BCAS3: variants seen among roughly 807,000 people sequenced by gnomAD.
BCAS3 encodes the protein BCAS3 microtubule associated cell migration factor.
BCAS3 carries 53 observed loss-of-function variants against 116.1 expected under a neutral mutation model. The observed-to-expected ratio is 0.46, with a 90% CI of 0.37 to 0.57. BCAS3 has a LOEUF of 0.57. Ranked by LOEUF, BCAS3 falls within the 20% of genes least tolerant of loss-of-function variation. The pLI, the probability that BCAS3 is intolerant of heterozygous loss-of-function variation, is 0.00. For synonymous variants in BCAS3, 391 were observed against 408.2 expected, an observed-to-expected ratio of 0.96 and a Z score of 0.51; for missense variants, 917 against 1,165.4, an observed-to-expected ratio of 0.79 and a Z score of 3.10.
Position 61,235,033 on chromosome 17 carries a change from G to A in BCAS3, c.2426-133294G>A, listed in dbSNP as rs12947302. On this transcript the variant is annotated intron_variant, in intron 22 of 23. Transcript: ENST00000407086. This position sits in a 1 kb window ranked among gnomAD's most constrained non-coding sequence, Gnocchi z 5.0. ...CTCCCGAGTAGCTGGGACTATAGGCGCACGCCACCACTCCTGGCTAAGTTT... is the reference window on the plus strand; with the variant it reads ...CTCCCGAGTAGCTGGGACTATAGGCACACGCCACCACTCCTGGCTAAGTTT... Among the ~76,000 whole-genome samples the A allele has an allele frequency of 0.63, 95,569 of 151,914 alleles. 34,526 individuals are homozygous for A. The highest frequency in any genetic ancestry group is 0.95 in the East Asian group (4,875 of 5,150).
chr17:61,329,495 C>T (rs938140975), intron 22 of BCAS3, among the ~76,000 whole-genome samples: 5 of 152,084 alleles, frequency 3.3e-5, no homozygotes, highest in Middle Eastern at 3.4e-3. Flanking sequence ...CGCCCGCCAC[C>T]ACGCCCGGCT....
chr17:61,111,060 G>T (rs1458946691), intron 22 of BCAS3, among the ~76,000 whole-genome samples: 5 of 151,068 alleles, frequency 3.3e-5, no homozygotes, highest in African/African-American at 1.2e-4. Context: ...AAACAGAAAG[G>T]ACATCCACAC....
Position 61,285,231 on chromosome 17 carries a change from T to TTG in BCAS3, c.2426-83070_2426-83069dup, listed in dbSNP as rs371178241. ...GTTTTGCTTTTCCCCTCCTCCTAGGTTGTGTGTGTGTGTGTGTGTGTGTGT... is the reference window on the plus strand; with the variant it reads ...GTTTTGCTTTTCCCCTCCTCCTAGGTTGTGTGTGTGTGTGTGTGTGTGTGTGT... On this transcript the variant is annotated intron_variant, in intron 22 of 23. Coordinates refer to ENST00000407086, the MANE Select transcript of BCAS3 (RefSeq NM_017679.5). The surrounding 1 kb of genome is among the most constrained non-coding windows in gnomAD (Gnocchi z 5.4). Among the ~76,000 whole-genome samples the TTG allele has an allele frequency of 0.078, 10,975 of 140,040 alleles. 397 individuals are homozygous for TTG. The highest frequency in any genetic ancestry group is 0.13 in the South Asian group (591 of 4,608). 91.9% of individuals were successfully genotyped at this position (140,040 alleles called of 152,430 possible).
At chr17:60,866,968 A>G (rs1199289225) in intron 7 of BCAS3, among the ~76,000 whole-genome samples, 2 of 152,042 alleles carry the variant, frequency 1.3e-5, no homozygotes, top group South Asian at 2.1e-4. Flanking sequence ...GTACCTTTAC[A>G]ATAAGTCTTA....
intron 22 of BCAS3, among the ~76,000 whole-genome samples, chr17:61,357,270 T>TAAATA (rs1568930756): frequency 7.3e-4 from 108 of 147,030 alleles, no homozygotes; most frequent in African/African-American, 2.5e-3. Context: ...ATAAATAAAT[T>TAAATA]AATTAATTAA....
At chr17:61,117,171 T>C (rs562625284) in intron 22 of BCAS3, among the ~76,000 whole-genome samples, 1 of 152,350 alleles carries the variant, frequency 6.6e-6, no homozygotes, top group African/African-American at 2.4e-5. Context: ...TGAGCCCCTG[T>C]TATTCAGACT....
chr17:60,724,121 G>A (rs1262394502), intron 5 of BCAS3, among the ~76,000 whole-genome samples: 2 of 151,498 alleles, frequency 1.3e-5, no homozygotes, highest in South Asian at 4.2e-4. Context: ...TTTACTCTAA[G>A]GACATGCAAA....
At chr17:60,858,714 G>T (rs1039690734) in intron 7 of BCAS3, among the ~76,000 whole-genome samples, 3 of 152,090 alleles carry the variant, frequency 2.0e-5, no homozygotes, top group Non-Finnish European at 4.4e-5. Flanking sequence ...GCAGTAATGT[G>T]TGAGGGCTTC....
At chr17:61,246,823 GTGTGTGTA>G (rs1555793391) in intron 22 of BCAS3, among the ~76,000 whole-genome samples, 1 of 151,722 alleles carries the variant, frequency 6.6e-6, no homozygotes, top group Non-Finnish European at 1.5e-5. Flanking sequence ...GTGTGTGTGT[GTGTGTGTA>G]TGTGTGTGAT....
At chr17:60,921,931 AG>A (rs2059124714) in intron 12 of BCAS3, among the ~76,000 whole-genome samples, 1 of 152,194 alleles carries the variant, frequency 6.6e-6, no homozygotes, top group Non-Finnish European at 1.5e-5. Context: ...TCACGATAAA[AG>A]GGTCAATATA....
chr17:60,813,778 A>C (rs1167216655), intron 7 of BCAS3, among the ~76,000 whole-genome samples: 1 of 152,040 alleles, frequency 6.6e-6, no homozygotes, highest in African/African-American at 2.4e-5. Context: ...TTTATAGTTT[A>C]GGGAGTCCTT....
intron 22 of BCAS3, among the ~76,000 whole-genome samples, chr17:61,345,295 T>A (rs1336578677): frequency 2.0e-5 from 3 of 152,162 alleles, no homozygotes; most frequent in African/African-American, 7.2e-5. Flanking sequence ...TTGGGGGCTG[T>A]GTTTTGTGCT....
chr17:60,920,739 G>A (rs2059027378), intron 12 of BCAS3, among the ~76,000 whole-genome samples: 1 of 151,996 alleles, frequency 6.6e-6, no homozygotes, highest in Non-Finnish European at 1.5e-5. Flanking sequence ...GCGTGGTGGC[G>A]GGTGCCCATA....
chr17:61,151,716 G>A lies in BCAS3; in HGVS notation c.2425+67152G>A, dbSNP rs7218027. ...CAAGTGAGCCTCCTGCCTTGGCCCC[G>A]CAAAGTGCTGGGATTACAAGCATGA... On this transcript the variant is annotated intron_variant, in intron 22 of 23. Transcript: ENST00000407086. This position sits in a 1 kb window ranked among gnomAD's most constrained non-coding sequence, Gnocchi z 4.8. Among the ~76,000 whole-genome samples, 39 of 152,246 alleles carry A rather than the reference G, an allele frequency of 2.6e-4. No homozygotes were observed. Among genetic ancestry groups the A allele is most frequent in the African/African-American group, 8.7e-4 (36 of 41,504 alleles).
intron 22 of BCAS3, among the ~76,000 whole-genome samples, chr17:61,238,537 T>G (rs2083246914): frequency 6.6e-6 from 1 of 152,006 alleles, no homozygotes; most frequent in Non-Finnish European, 1.5e-5. Context: ...GTATTTCTGC[T>G]TGACCAATTC....
Position 61,251,647 on chromosome 17 carries a change from C to T in BCAS3, c.2426-116680C>T, listed in dbSNP as rs997333071. Among the ~76,000 whole-genome samples, 7 of 151,908 alleles carry T rather than the reference C, an allele frequency of 4.6e-5. No homozygotes were observed. The highest frequency in any genetic ancestry group is 8.8e-5 in the Non-Finnish European group (6 of 68,010). On this transcript the variant is annotated intron_variant, in intron 22 of 23. Transcript: ENST00000407086. This position sits in a 1 kb window ranked among gnomAD's most constrained non-coding sequence, Gnocchi z 4.7. ...GCCCTTGAGACCTCTGGGTTGATGACTGATATGTTGGTCTCTTGGGACAAG... is the reference window on the plus strand; with the variant it reads ...GCCCTTGAGACCTCTGGGTTGATGATTGATATGTTGGTCTCTTGGGACAAG...
Position 61,172,623 on chromosome 17 carries a change from C to T in BCAS3, c.2425+88059C>T, listed in dbSNP as rs1008986088. On this transcript the variant is annotated intron_variant, in intron 22 of 23. Transcript: ENST00000407086. ...CTGCACTCCAGCCTGGGCGACAGAG[C>T]GAGACTCCGTCTCAAAAAATAATAA... 9.9e-5 allele frequency among the ~76,000 whole-genome samples: 15 copies of T among 151,392 alleles called. No homozygotes were observed. In the East Asian group the frequency reaches 1.6e-3, roughly 16 times the overall value.
rs748461644 is a variant in BCAS3 at position 60,724,420 on chromosome 17, C to CAAA, written c.321+15115_321+15117dup. Among the ~76,000 whole-genome samples, 11 of 39,748 alleles carry CAAA rather than the reference C, an allele frequency of 2.8e-4. 1 individual carries two copies. The highest frequency in any genetic ancestry group is 5.9e-4 in the African/African-American group (6 of 10,218). 26.1% of individuals were successfully genotyped at this position (39,748 alleles called of 152,430 possible). On this transcript the variant is annotated intron_variant, in intron 5 of 23. Transcript: ENST00000407086. ...CCTGGGTGACAGAGTGAGACTGTCT[C>CAAA]AAAAAAAAAAAAAAAAAAAAAAGGC...
In BCAS3 at chr17:61,162,955, G is replaced by T. The variant is rs549936532; in HGVS notation, c.2425+78391G>T. ...TTTTATAGGTAATCCTGGAAGTTTA[G>T]TCTTACTTTGGGAAAAGATCAAGGC... On this transcript the variant is annotated intron_variant, in intron 22 of 23. Transcript: ENST00000407086. This position sits in a 1 kb window ranked among gnomAD's most constrained non-coding sequence, Gnocchi z 5.6. 6.6e-6 allele frequency among the ~76,000 whole-genome samples: 1 copy of T among 152,052 alleles called. No homozygotes were observed. Among genetic ancestry groups the T allele is most frequent in the African/African-American group, 2.4e-5 (1 of 41,406 alleles).
Sources: gnomAD v4.1 joint callset for allele counts (sites outside exome capture counted in the v4.1 genomes callset) on GRCh38, gnomAD v4.1.1 for gene constraint, Gnocchi (gnomAD v3.1) non-coding constraint, MANE v1.5 for transcripts, NCBI Gene and HGNC (gene_info 2026-07-23, HGNC 2026-07-21) for gene names.